The following TENM1 variants were observed in gnomAD, a reference collection of about 807,000 sequenced individuals.
TENM1 encodes the protein teneurin-1.
TENM1 carries 35 observed loss-of-function variants against 174.8 expected under a neutral mutation model. The observed-to-expected ratio is 0.20, with a 90% CI of 0.15 to 0.27. The LOEUF (loss-of-function observed/expected upper bound fraction) is 0.27. Among genes scored for constraint, TENM1 ranks in the 10% least tolerant of loss-of-function variants. TENM1 has a pLI of 1.00. For missense variants in TENM1, 1,633 were observed against 2,130.1 expected (o/e 0.77, Z 4.59); for synonymous variants, 781 against 798.7 (o/e 0.98, Z 0.37).
intron 25 of TENM1, among the ~76,000 whole-genome samples, chrX:124,407,153 AT>A (rs1189132825): frequency 3.6e-5 from 4 of 109,899 alleles, no homozygotes; most frequent in Non-Finnish European, 7.6e-5. Context: ...GAGACAAAAA[AT>A]AATTACCTGG....
chrX:124,450,826 A>G (rs1244330754), intron 23 of TENM1, among the ~76,000 whole-genome samples: 2 of 112,013 alleles, frequency 1.8e-5, no homozygotes, highest in Non-Finnish European at 3.8e-5. Context: ...ATGTGACTCA[A>G]TTCTGGCCAA....
At chrX:124,612,920 T>C (rs1458827979) in intron 11 of TENM1, among the ~76,000 whole-genome samples, 3 of 111,857 alleles carry the variant, frequency 2.7e-5, no homozygotes, top group African/African-American at 9.7e-5. Context: ...ATAAGTATGC[T>C]GCTGATCATC....
intron 3 of TENM1, among the ~76,000 whole-genome samples, chrX:124,831,857 A>G (rs1569458521): frequency 9.0e-6 from 1 of 111,485 alleles, no homozygotes; most frequent in East Asian, 2.8e-4. Context: ...ACCCTCTCCA[A>G]ATATATGTTT....
At position 124,578,085 on chromosome X, in the gene TENM1, C is replaced by A. The variant is rs765717926; in HGVS notation, c.2078-12525G>T. Among the ~76,000 whole-genome samples the A allele has an allele frequency of 3.1e-5, 3 of 96,634 alleles. No individual in the cohort carries two copies. In the South Asian group the frequency reaches 1.8e-3, roughly 59 times the overall value. The allele number at this position is 96,634 out of a possible 115,157, so 83.9% of individuals were successfully genotyped here. On this transcript the variant is annotated intron_variant, in intron 11 of 31. Transcript: ENST00000422452. Reference sequence around the variant, plus strand: ...GAACTACAGACACATGCCACCATGCCCAGCTAATTAAAAAAAATTTTCTGT... The same window carrying A: ...GAACTACAGACACATGCCACCATGCACAGCTAATTAAAAAAAATTTTCTGT...
At chrX:124,404,100 A>G (rs2060434220) in intron 27 of TENM1, among the ~76,000 whole-genome samples, 1 of 111,763 alleles carries the variant, frequency 8.9e-6, no homozygotes, top group South Asian at 3.7e-4. Context: ...CTTACTGATA[A>G]TTAAAAAGAA....
chrX:124,705,043 T>C, exon 5 of TENM1: 1 of 1,210,175 alleles, frequency 8.3e-7, no homozygotes, highest in Non-Finnish European at 1.1e-6. Context: ...AAGGCCAAAG[T>C]CACTGTGATT....
At chrX:125,001,297 A>G in the TENM1 span, among the ~76,000 whole-genome samples, 1 of 111,311 alleles carries the variant, frequency 9.0e-6, no homozygotes, top group African/African-American at 3.3e-5. Flanking sequence ...CGCCCTTTCT[A>G]TATGAGATAG....
chrX:124,516,845 A>G (rs982258813), intron 18 of TENM1, among the ~76,000 whole-genome samples: 6 of 111,985 alleles, frequency 5.4e-5, no homozygotes, highest in African/African-American at 1.9e-4. Context: ...AGACATATGT[A>G]CACAAATGTT....
the TENM1 span, among the ~76,000 whole-genome samples, chrX:125,081,564 A>G: frequency 9.0e-6 from 1 of 111,032 alleles, no homozygotes; most frequent in Non-Finnish European, 1.9e-5. Flanking sequence ...CACAGACTCA[A>G]TCAGCAAGTT....
intron 3 of TENM1, among the ~76,000 whole-genome samples, chrX:124,837,784 T>C (rs751076562): frequency 9.0e-6 from 1 of 111,671 alleles, no homozygotes; most frequent in South Asian, 3.7e-4. Context: ...CTATTTTAAT[T>C]CTAGGTTAGA....
At chrX:124,897,248 G>A (rs2057578073) in intron 1 of TENM1, among the ~76,000 whole-genome samples, 1 of 111,595 alleles carries the variant, frequency 9.0e-6, no homozygotes, top group Non-Finnish European at 1.9e-5. Context: ...ATAAGTTAAT[G>A]AAAAATGACC....
the TENM1 span, among the ~76,000 whole-genome samples, chrX:125,101,723 C>T: frequency 2.6e-3 from 288 of 111,929 alleles, 2 homozygotes; most frequent in Middle Eastern, 9.2e-3. Flanking sequence ...GTCAAATCTT[C>T]GGGAGAGTAA....
chrX:125,153,618 G>C, the TENM1 span, among the ~76,000 whole-genome samples: 1 of 111,810 alleles, frequency 8.9e-6, no homozygotes, highest in Non-Finnish European at 1.9e-5. Context: ...CATAAAACTG[G>C]GATTTTCAGA....
intron 23 of TENM1, among the ~76,000 whole-genome samples, chrX:124,447,066 A>T (rs1184633348): frequency 9.0e-6 from 1 of 111,019 alleles, no homozygotes; most frequent in Non-Finnish European, 1.9e-5. Context: ...GATTTACTGA[A>T]ATATGAAACT....
chrX:124,974,902 A>ATATATAT, the TENM1 span, among the ~76,000 whole-genome samples: 6 of 91,964 alleles, frequency 6.5e-5, no homozygotes, highest in Non-Finnish European at 1.1e-4. Context: ...ATATATATAT[A>ATATATAT]AAATAATTTT....
intron 1 of TENM1, among the ~76,000 whole-genome samples, chrX:124,898,827 T>C (rs2057607230): frequency 8.9e-6 from 1 of 112,109 alleles, no homozygotes; most frequent in African/African-American, 3.2e-5. Flanking sequence ...CAATTTATTT[T>C]CTATTGTAAC....
At chrX:124,786,854 G>A (rs1478584271) in intron 3 of TENM1, among the ~76,000 whole-genome samples, 1 of 111,140 alleles carries the variant, frequency 9.0e-6, no homozygotes, top group Non-Finnish European at 1.9e-5. Context: ...CAAAGCAAAG[G>A]AATGAACATG....
At chrX:124,900,246 T>G (rs2057635546) in intron 1 of TENM1, among the ~76,000 whole-genome samples, 1 of 112,107 alleles carries the variant, frequency 8.9e-6, no homozygotes. Context: ...ATAACAATGT[T>G]ATGGACTTCA....
chrX:124,979,480 TTAA>T, the TENM1 span, among the ~76,000 whole-genome samples: 8 of 112,121 alleles, frequency 7.1e-5, no homozygotes, highest in Non-Finnish European at 1.3e-4. Flanking sequence ...AAATGTTTCA[TTAA>T]TAATTTTATT....
Sources: allele counts gnomAD v4.1 joint callset (sites outside exome capture counted in the v4.1 genomes callset), GRCh38; gene constraint gnomAD v4.1.1; transcripts MANE v1.5; gene names NCBI Gene and HGNC (gene_info 2026-07-23, HGNC 2026-07-21).